The following HSD17B12 variants were observed in gnomAD, a reference collection of about 807,000 sequenced individuals.
HSD17B12 encodes the protein very-long-chain 3-oxoacyl-CoA reductase.
A neutral mutation model predicts 39.3 loss-of-function variants in HSD17B12; 32 were observed. The observed-to-expected ratio is 0.81, with a 90% CI of 0.61 to 1.09. The LOEUF (loss-of-function observed/expected upper bound fraction) is 1.09. Among genes scored for constraint, HSD17B12 ranks in the 50% least tolerant of loss-of-function variants. The pLI is 0.00. For missense variants in HSD17B12, 342 were observed against 382.9 expected (o/e 0.89, Z 0.89); for synonymous variants, 150 against 146.7 (o/e 1.02, Z -0.16).
At chr11:43,669,223 A>G in the HSD17B12 span, among the ~76,000 whole-genome samples, 1 of 152,168 alleles carries the variant, frequency 6.6e-6, no homozygotes, top group Non-Finnish European at 1.5e-5. Context: ...TTTATTGGCC[A>G]GGCAAGGTGG....
the HSD17B12 span, among the ~76,000 whole-genome samples, chr11:43,643,698 T>C: frequency 3.4e-3 from 519 of 152,262 alleles, 4 homozygotes; most frequent in East Asian, 0.031. Flanking sequence ...TTTGAGACAA[T>C]ATATTGGAGG....
chr11:43,851,770 C>T (rs541549714), intron 9 of HSD17B12, among the ~76,000 whole-genome samples: 6 of 152,124 alleles, frequency 3.9e-5, no homozygotes, highest in African/African-American at 1.4e-4. Context: ...TATGACCAAG[C>T]CTTCATGGAG....
At chr11:43,627,022 T>C in the HSD17B12 span, among the ~76,000 whole-genome samples, 1 of 152,198 alleles carries the variant, frequency 6.6e-6, no homozygotes, top group South Asian at 2.1e-4. Context: ...TCTATCTACC[T>C]GACGTTTGCA....
intron 9 of HSD17B12, among the ~76,000 whole-genome samples, chr11:43,844,433 G>T (rs1433990486): frequency 1.3e-5 from 2 of 152,136 alleles, no homozygotes; most frequent in Non-Finnish European, 2.9e-5. Context: ...GGAGGTGAAT[G>T]ATGGGCCTGA....
At chr11:43,829,092 T>A (rs1951280286) in intron 6 of HSD17B12, among the ~76,000 whole-genome samples, 1 of 152,192 alleles carries the variant, frequency 6.6e-6, no homozygotes, top group South Asian at 2.1e-4. Context: ...TAAAAAAAGA[T>A]GTTACATTTT....
At chr11:43,737,625 C>T (rs1227592836) in intron 1 of HSD17B12, among the ~76,000 whole-genome samples, 1 of 152,196 alleles carries the variant, frequency 6.6e-6, no homozygotes, top group Non-Finnish European at 1.5e-5. Flanking sequence ...TGACCATCAT[C>T]TGTACTGTCC....
intron 3 of HSD17B12, among the ~76,000 whole-genome samples, chr11:43,788,342 C>T (rs560567812): frequency 2.0e-5 from 3 of 152,276 alleles, no homozygotes; most frequent in Admixed American, 6.5e-5. Context: ...GACATAATCA[C>T]AGGAACATTG....
chr11:43,679,457 C>T (rs879905173), upstream of HSD17B12, among the ~76,000 whole-genome samples: 3 of 152,126 alleles, frequency 2.0e-5, no homozygotes, highest in Non-Finnish European at 4.4e-5. Flanking sequence ...CCCATCGTCT[C>T]AGCCCAAAAT....
rs59970877 is a variant in HSD17B12 at position 43,810,367 on chromosome 11, T to TTATATATATATATA, written c.392-5047_392-5034dup. ...ATTTTAAAGCAGTATAATTTAGAAA[T>TTATATATATATATA]TATATATATATATATATATATATAT... On this transcript the variant is annotated intron_variant, in intron 4 of 10. Coordinates refer to ENST00000278353, the MANE Select transcript of HSD17B12 (RefSeq NM_016142.3). Among the ~76,000 whole-genome samples the TTATATATATATATA allele has an allele frequency of 8.7e-3, 512 of 59,150 alleles. 16 individuals carry two copies. Among genetic ancestry groups the TTATATATATATATA allele is most frequent in the South Asian group, 0.022 (32 of 1,472 alleles). 38.8% of individuals were successfully genotyped at this position (59,150 alleles called of 152,430 possible). A position where few individuals can be genotyped will look rare whatever the true frequency, so the allele number is the denominator to read the frequency against.
chr11:43,736,021 CA>C (rs1950313311), intron 1 of HSD17B12, among the ~76,000 whole-genome samples: 2 of 152,154 alleles, frequency 1.3e-5, no homozygotes, highest in Non-Finnish European at 2.9e-5. Flanking sequence ...CAAAGGAAGC[CA>C]CAAAGTAGTT....
Position 43,738,076 on chromosome 11 carries a change from AT to A in HSD17B12, c.161-12834del, listed in dbSNP as rs1481753864. ...TGTCCCAAAAAAAAAAAAAAAAAAA[AT>A]AGTGAACTCTCACTACTTTGGTAAT... On this transcript the variant is annotated intron_variant, in intron 1 of 10. Transcript: ENST00000278353. Among the ~76,000 whole-genome samples, 351 of 141,352 alleles carry A rather than the reference AT, an allele frequency of 2.5e-3. 3 individuals are homozygous for A. Among genetic ancestry groups the A allele is most frequent in the African/African-American group, 9.4e-3 (316 of 33,462 alleles). The allele number at this position is 141,352 out of a possible 152,430, so 92.7% of individuals were successfully genotyped here.
intron 1 of HSD17B12, among the ~76,000 whole-genome samples, chr11:43,737,081 T>C (rs1431366878): frequency 6.6e-6 from 1 of 152,076 alleles, no homozygotes; most frequent in African/African-American, 2.4e-5. Flanking sequence ...ATCAATCGAG[T>C]GTTTTCTGCA....
In HSD17B12 at chr11:43,730,910, A is replaced by C. The variant is rs370044984; in HGVS notation, c.161-20001A>C. Among the ~76,000 whole-genome samples the C allele has an allele frequency of 6.6e-5, 10 of 152,300 alleles. No homozygotes were observed. The East Asian group carries it at 1.4e-3, about 21-fold the overall frequency. On this transcript the variant is annotated intron_variant, in intron 1 of 10. Coordinates refer to ENST00000278353, the MANE Select transcript of HSD17B12 (RefSeq NM_016142.3). ...GAATAGCTTTCTAAATCTCATTTCTAAATCTCTTAGTGAGGTGAGACAGAG... is the reference window on the plus strand; with the variant it reads ...GAATAGCTTTCTAAATCTCATTTCTCAATCTCTTAGTGAGGTGAGACAGAG...
intron 3 of HSD17B12, among the ~76,000 whole-genome samples, chr11:43,791,748 C>T (rs971685167): frequency 9.2e-5 from 14 of 152,230 alleles, no homozygotes; most frequent in Non-Finnish European, 1.8e-4. Context: ...AGCCTATTCA[C>T]GTCCTATCAA....
At chr11:43,583,025 T>C in the HSD17B12 span, among the ~76,000 whole-genome samples, 5 of 152,188 alleles carry the variant, frequency 3.3e-5, no homozygotes, top group African/African-American at 1.2e-4. Context: ...AGAACCACGT[T>C]AGATTAATAA....
upstream of HSD17B12, among the ~76,000 whole-genome samples, chr11:43,679,155 C>T (rs1318121431): frequency 6.6e-6 from 1 of 152,142 alleles, no homozygotes; most frequent in African/African-American, 2.4e-5. Context: ...CTTCACATCC[C>T]TTGTAAGTTG....
the HSD17B12 span, among the ~76,000 whole-genome samples, chr11:43,671,975 C>T: frequency 1.5e-3 from 223 of 152,288 alleles, no homozygotes; most frequent in South Asian, 3.9e-3. Flanking sequence ...AATATGTTTA[C>T]AGAAGACTAT....
At chr11:43,754,977 A>C (rs1266380798) in intron 3 of HSD17B12, 5 of 683,176 alleles carry the variant, frequency 7.3e-6, no homozygotes, top group Non-Finnish European at 1.3e-5. Context: ...GTTTGGTAAA[A>C]CATACTAACT....
the HSD17B12 span, among the ~76,000 whole-genome samples, chr11:43,650,120 G>A: frequency 6.6e-6 from 1 of 152,118 alleles, no homozygotes; most frequent in Non-Finnish European, 1.5e-5. Context: ...TAAGGTTGTG[G>A]GTGGTTTGTT....
Sources: allele counts gnomAD v4.1 joint callset (sites outside exome capture counted in the v4.1 genomes callset), GRCh38; gene constraint gnomAD v4.1.1; transcripts MANE v1.5; gene names NCBI Gene and HGNC (gene_info 2026-07-23, HGNC 2026-07-21).